CHORDC1: variants seen among roughly 807,000 people sequenced by gnomAD.
CHORDC1 encodes cysteine and histidine rich domain containing 1.
Under a neutral mutation model 48.3 loss-of-function variants are expected in CHORDC1, and 25 were observed. That is an observed-to-expected ratio of 0.52 (90% CI 0.38 to 0.72). The LOEUF (loss-of-function observed/expected upper bound fraction) is 0.72, where lower values mean the gene tolerates loss of function less well. Ranked by LOEUF, CHORDC1 falls within the 30% of genes least tolerant of loss-of-function variation. CHORDC1 has a pLI of 0.00. For missense variants in CHORDC1, 317 were observed against 388.7 expected (o/e 0.82, Z 1.55); for synonymous variants, 128 against 126.4 (o/e 1.01, Z -0.09).
chr11:90,207,759 T>TAAAAAAAAAA (rs1857736256), intron 6 of CHORDC1: 1 of 3,352 alleles, frequency 3.0e-4, no homozygotes. Flanking sequence ...ATGGTTAAAA[T>TAAAAAAAAAA]ACAAAAAAAA....
chr11:90,215,421 T>C (rs1857983284), intron 2 of CHORDC1, among the ~76,000 whole-genome samples, 191 bp from the exon 3 acceptor site: 1 of 152,034 alleles, frequency 6.6e-6, no homozygotes, highest in Admixed American at 6.6e-5. Flanking sequence ...AAAAAGCCAA[T>C]TAACCAATGT....
intron 10 of CHORDC1, 35 bp from the exon 11 acceptor site, chr11:90,202,586 A>G: frequency 1.9e-6 from 3 of 1,603,950 alleles, no homozygotes; most frequent in Non-Finnish European, 2.6e-6. Context: ...AGGAAACCTC[A>G]GTAGTTTTAT....
At chr11:90,203,278 C>T (rs767837613) in intron 9 of CHORDC1, 30 bp downstream of exon 9, 1 of 1,540,988 alleles carries the variant, frequency 6.5e-7, no homozygotes, top group South Asian at 1.3e-5. Flanking sequence ...TAGAAAAGAA[C>T]TTTTACCCAA....
At chr11:90,205,950 T>A in intron 7 of CHORDC1, 2 of 498,290 alleles carry the variant, frequency 4.0e-6, no homozygotes, top group East Asian at 7.6e-5. Context: ...CACTTTTAAA[T>A]ACAGAATATG....
At chr11:90,205,325 G>A (rs370377494) in intron 8 of CHORDC1, 135 bp downstream of exon 8, 77 of 627,808 alleles carry the variant, frequency 1.2e-4, no homozygotes, top group South Asian at 3.8e-4. Flanking sequence ...ATTTTATTTC[G>A]TAGTCACATC....
At chr11:90,204,222 G>A (rs1857610932) in intron 8 of CHORDC1, among the ~76,000 whole-genome samples, 1 of 151,912 alleles carries the variant, frequency 6.6e-6, no homozygotes, top group South Asian at 2.1e-4. Flanking sequence ...TAAAAAACAA[G>A]AGAAATTACA....
intron 7 of CHORDC1, 153 bp downstream of exon 7, chr11:90,206,049 A>C: frequency 1.5e-6 from 1 of 648,574 alleles, no homozygotes; most frequent in Non-Finnish European, 2.8e-6. Flanking sequence ...CAACATACAA[A>C]CCCCTGTGTT....
At chr11:90,209,944 C>T (rs186457584) in intron 6 of CHORDC1, among the ~76,000 whole-genome samples, 90 of 152,262 alleles carry the variant, frequency 5.9e-4, no homozygotes, top group African/African-American at 2.0e-3. Context: ...AAAAGAACCA[C>T]CATAATTCTG....
chr11:90,221,891 CAAT>C (rs1858180839), intron 1 of CHORDC1, among the ~76,000 whole-genome samples: 1 of 152,186 alleles, frequency 6.6e-6, no homozygotes, highest in African/African-American at 2.4e-5. Flanking sequence ...ATCTCCTCCA[CAAT>C]AATGAAGGAT....
At chr11:90,213,468 T>C (rs1223494605) in intron 4 of CHORDC1, 1 of 674,816 alleles carries the variant, frequency 1.5e-6, no homozygotes, top group Non-Finnish European at 2.7e-6. Context: ...ATACAGAGTC[T>C]GGTTATCAGA....
At chr11:90,207,779 C>CAAAAAAAAAAAAAAAAAAAAA in intron 6 of CHORDC1, 1 of 91,304 alleles carries the variant, frequency 1.1e-5, no homozygotes, top group African/African-American at 4.1e-5. Context: ...AAAAAAAAAA[C>CAAAAAAAAAAAAAAAAAAAAA]AAAAAAAACT....
intron 10 of CHORDC1, 33 bp from the exon 11 acceptor site, chr11:90,202,584 T>G: frequency 1.1e-5 from 17 of 1,604,256 alleles, no homozygotes; most frequent in Non-Finnish European, 1.4e-5. Flanking sequence ...ACAGGAAACC[T>G]CAGTAGTTTT....
At chr11:90,202,633 A>G in intron 10 of CHORDC1, 82 bp from the exon 11 acceptor site, 2 of 1,496,778 alleles carry the variant, frequency 1.3e-6, no homozygotes, top group Non-Finnish European at 1.8e-6. Context: ...GCTTATGCCA[A>G]TAATCCCAAA....
chr11:90,202,483 A>G lies in CHORDC1; in HGVS notation c.921T>C (p.Ala307=). Residue 307 remains alanine (A), a synonymous_variant, in exon 11 of 11, where the codon GCT becomes GCC. Transcript: ENST00000320585. ...CAAGGCTTGCCCACTGCATCGGTTC[A>G]GCTTTTCTCATAGTGATTTCAATCT... The part of the protein sequence containing the change: ...ATKIEITMRK[A]EPMQWASLEL... 1.2e-6 allele frequency: 2 copies of G among 1,612,758 alleles called. No individual in the cohort carries two copies. The highest frequency in any genetic ancestry group is 1.7e-6 in the Non-Finnish European group (2 of 1,179,674).
intron 1 of CHORDC1, among the ~76,000 whole-genome samples, chr11:90,220,333 T>C (rs550382341): frequency 6.6e-6 from 1 of 152,184 alleles, no homozygotes; most frequent in East Asian, 1.9e-4. Flanking sequence ...ATCTTCCTGA[T>C]ACAGTAAGTA....
intron 6 of CHORDC1, 30 bp downstream of exon 6, chr11:90,210,506 A>G (rs766200551): frequency 1.2e-5 from 18 of 1,456,328 alleles, no homozygotes; most frequent in Admixed American, 3.8e-5. Context: ...ATTTTACTTC[A>G]TAACACATCA....
chr11:90,205,796 G>C, intron 7 of CHORDC1: 1 of 498,042 alleles, frequency 2.0e-6, no homozygotes, highest in South Asian at 2.7e-5. Flanking sequence ...GCATAATACA[G>C]AAGAGAGGCT....
intron 6 of CHORDC1, chr11:90,209,084 C>G (rs1236080486): frequency 1.3e-5 from 2 of 152,194 alleles, no homozygotes; most frequent in African/African-American, 4.8e-5. Flanking sequence ...TGATCTTCCT[C>G]TATTACCCTA....
At chr11:90,210,332 G>A (rs1857825268) in intron 6 of CHORDC1, among the ~76,000 whole-genome samples, 1 of 151,964 alleles carries the variant, frequency 6.6e-6, no homozygotes, top group Non-Finnish European at 1.5e-5. Flanking sequence ...TAAATGTTAA[G>A]TGAATTGGAA....
Sources: gnomAD v4.1 joint callset for allele counts (sites outside exome capture counted in the v4.1 genomes callset) on GRCh38, gnomAD v4.1.1 for gene constraint, MANE v1.5 for transcripts, NCBI Gene and HGNC (gene_info 2026-07-23, HGNC 2026-07-21) for gene names.